Variants in ZNF518B observed in about 807,000 individuals in gnomAD.
The protein encoded by ZNF518B is zinc finger protein 518B.
Under a neutral mutation model 56.3 loss-of-function variants are expected in ZNF518B, and 23 were observed. The observed-to-expected ratio is 0.41, with a 90% CI of 0.29 to 0.58. The LOEUF is 0.58. Among genes scored for constraint, ZNF518B ranks in the 20% least tolerant of loss-of-function variants. ZNF518B has a pLI of 0.32. For synonymous variants in ZNF518B, 529 were observed against 465.9 expected (o/e 1.14, Z -1.74); for missense variants, 1,460 against 1,272.1 (o/e 1.15, Z -2.25).
At position 10,445,057 on chromosome 4, in the gene ZNF518B, T is replaced by G. The variant is rs374255171; in HGVS notation, c.1272A>C (p.Ser424=). ...KLVGIDSFQP[S]VQKQLKNVKW... The stretch of plus-strand genomic sequence containing the variant: ...TCACATTTTTAAGCTGTTTCTGAAC[T>G]GAAGGTTGAAAACTATCAATGCCTA... The change falls in exon 3 of 3, where the codon TCA becomes TCC. Residue 424 remains serine (S), a synonymous_variant. Transcript: ENST00000326756. 2 of 1,614,240 alleles carry G rather than the reference T, an allele frequency of 1.2e-6. No homozygotes were observed.
Position 10,443,935 on chromosome 4 carries a change from G to T in ZNF518B, c.2394C>A (p.Val798=). The part of the protein sequence containing the change: ...HIIEATCEAP[V]SIPCSERQLI... ...ACTGTCTTTCACTGCAAGGTATGCT[G>T]ACAGGTGCTTCACATGTAGCCTCTA... The change falls in exon 3 of 3, where the codon GTC becomes GTA. Residue 798 remains valine, a synonymous_variant. Transcript: ENST00000326756. 1 of 1,614,210 alleles carries T rather than the reference G, an allele frequency of 6.2e-7. No individual in the cohort carries two copies. The highest frequency in any genetic ancestry group is 1.1e-5 in the South Asian group (1 of 91,078).
chr4:10,459,199 T>C (rs1715666733), upstream of ZNF518B, among the ~76,000 whole-genome samples: 1 of 152,178 alleles, frequency 6.6e-6, no homozygotes, highest in African/African-American at 2.4e-5. Flanking sequence ...CAGATAGAAG[T>C]GACTGTTAAC....
Position 10,443,540 on chromosome 4 carries a change from G to A in ZNF518B, c.2789C>T (p.Pro930Leu). 6.2e-7 allele frequency: 1 copy of A among 1,614,092 alleles called. No individual in the cohort carries two copies. The highest frequency in any genetic ancestry group is 2.2e-5 in the East Asian group (1 of 44,884). ...ACGGGGACACTTAATCAACTGATCT[G>A]GCTTAGCTGCTATCAGTCTTAGTTG... Reference protein sequence around the residue: ...ARQLRLIAAKPDQLIKCPRRN... With the variant: ...ARQLRLIAAKLDQLIKCPRRN... The change falls in exon 3 of 3, where the codon CCA (proline) becomes CTA (leucine). Residue 930 changes from proline (P) to leucine (L), a missense_variant. Physicochemically the swap from Pro to Leu is moderately conservative, Grantham distance 98 (BLOSUM62 -3). Transcript: ENST00000326756.
chr4:10,443,053 C>G lies in ZNF518B; in HGVS notation c.*51G>C. 6.6e-7 allele frequency: 1 copy of G among 1,522,556 alleles called. No homozygotes were observed. Among genetic ancestry groups the G allele is most frequent in the South Asian group, 1.3e-5 (1 of 79,370 alleles). 94.3% of individuals were successfully genotyped at this position (1,522,556 alleles called of 1,614,324 possible). On this transcript the variant is annotated 3_prime_UTR_variant, in exon 3 of 3. Coordinates refer to ENST00000326756, the MANE Select transcript of ZNF518B (RefSeq NM_053042.3). ...TCTACTGAATCTTGGTGGAGGGACT[C>G]CAAACCAGAATAAACTAAAAGATAA...
At position 10,440,931 on chromosome 4, in the gene ZNF518B, C is replaced by G. The variant is rs925849303; in HGVS notation, c.*2173G>C. Reference sequence around the variant, plus strand: ...TCTCTATATCTTGGGAGCTATTTTTCATGCCACAGGAGTACAATATATAAC... The same window carrying G: ...TCTCTATATCTTGGGAGCTATTTTTGATGCCACAGGAGTACAATATATAAC... On this transcript the variant is annotated 3_prime_UTR_variant, in exon 3 of 3. Transcript: ENST00000326756. 1 of 152,390 alleles carries G rather than the reference C, an allele frequency of 6.6e-6. No individual in the cohort carries two copies. Among genetic ancestry groups the G allele is most frequent in the Non-Finnish European group, 1.5e-5 (1 of 67,988 alleles). 9.4% of individuals were successfully genotyped at this position (152,390 alleles called of 1,614,324 possible).
In ZNF518B at chr4:10,449,234, A is replaced by G. The variant is rs993968489; in HGVS notation, c.-211-2695T>C. ...CTCAGAATCAGAGCAAAAATGGACA[A>G]TTTCCCAGGCTTCATCTCAAAGCGA... is the stretch of plus-strand genomic sequence containing the variant. On this transcript the variant is annotated intron_variant, in intron 2 of 2. Coordinates refer to ENST00000326756, the MANE Select transcript of ZNF518B (RefSeq NM_053042.3). Among the ~76,000 whole-genome samples the G allele has an allele frequency of 7.9e-5, 12 of 152,274 alleles. No individual in the cohort carries two copies. The East Asian group carries it at 1.7e-3, about 22-fold the overall frequency.
upstream of ZNF518B, among the ~76,000 whole-genome samples, chr4:10,461,326 G>C (rs1211813313): frequency 6.6e-6 from 1 of 152,198 alleles, no homozygotes; most frequent in African/African-American, 2.4e-5. Context: ...CACTCAGCTC[G>C]GCCGCCGCGG....
chr4:10,458,065 CAG>C (rs1249069631), upstream of ZNF518B, among the ~76,000 whole-genome samples: 1 of 152,202 alleles, frequency 6.6e-6, no homozygotes, highest in Admixed American at 6.5e-5. Context: ...CATTTAATGC[CAG>C]AGTTTCTTTC....
upstream of ZNF518B, among the ~76,000 whole-genome samples, chr4:10,460,901 C>T (rs187781645): frequency 4.6e-5 from 7 of 152,346 alleles, no homozygotes; most frequent in East Asian, 1.3e-3. Flanking sequence ...AAACTTTATG[C>T]ATGGACAGGA....
upstream of ZNF518B, among the ~76,000 whole-genome samples, chr4:10,461,290 C>T (rs1460382846): frequency 6.6e-6 from 1 of 152,264 alleles, no homozygotes. Flanking sequence ...GGCGCAGGCC[C>T]ACTCTCTTGG....
At chr4:10,456,339 A>T (rs1408899844) in intron 1 of ZNF518B, among the ~76,000 whole-genome samples, 1 of 152,176 alleles carries the variant, frequency 6.6e-6, no homozygotes, top group Non-Finnish European at 1.5e-5. Flanking sequence ...CTTTCTGGTT[A>T]AGAAACTTTC....
upstream of ZNF518B, among the ~76,000 whole-genome samples, chr4:10,459,815 G>T (rs1715686542): frequency 6.6e-6 from 1 of 152,090 alleles, no homozygotes; most frequent in South Asian, 2.1e-4. Flanking sequence ...TGGCCCTGTG[G>T]ACCCCTTGAT....
Position 10,442,174 on chromosome 4 carries a change from G to A in ZNF518B, c.*930C>T, listed in dbSNP as rs1714711301. Reference sequence around the variant, plus strand: ...CATGGTCTTTGGATGAATCCCAAATGAAAACTAAAGGGCATATGAAACCCT... The same window carrying A: ...CATGGTCTTTGGATGAATCCCAAATAAAAACTAAAGGGCATATGAAACCCT... On this transcript the variant is annotated 3_prime_UTR_variant, in exon 3 of 3. Transcript: ENST00000326756. The A allele has an allele frequency of 6.6e-6, 1 of 152,158 alleles. No individual in the cohort carries two copies. The highest frequency in any genetic ancestry group is 2.4e-5 in the African/African-American group (1 of 41,432). The allele number at this position is 152,158 out of a possible 1,614,324, so 9.4% of individuals were successfully genotyped here.
chr4:10,457,319 G>C lies in ZNF518B; in HGVS notation c.-398C>G, dbSNP rs1368266100. 1 of 151,886 alleles carries C rather than the reference G, an allele frequency of 6.6e-6. No homozygotes were observed. Among genetic ancestry groups the C allele is most frequent in the Non-Finnish European group, 1.5e-5 (1 of 67,988 alleles). The allele number at this position is 151,886 out of a possible 1,614,324, so 9.4% of individuals were successfully genotyped here. A position where few individuals can be genotyped will look rare whatever the true frequency, so the allele number is the denominator to read the frequency against. Reference sequence around the variant, plus strand: ...CGCCCTCCCGCTCAGCTACTTACCCGGCAGGCCGGATTCGGGTGCCAGGTC... The same window carrying C: ...CGCCCTCCCGCTCAGCTACTTACCCCGCAGGCCGGATTCGGGTGCCAGGTC... On this transcript the variant is annotated splice_region_variant and 5_prime_UTR_variant, in exon 1 of 3. Transcript: ENST00000326756.
upstream of ZNF518B, among the ~76,000 whole-genome samples, chr4:10,460,312 A>AAAAAAAAAG (rs1715702056): frequency 1.1e-5 from 1 of 95,186 alleles, no homozygotes; most frequent in Non-Finnish European, 1.8e-5. Context: ...CTCAAAAAAA[A>AAAAAAAAAG]AAAAAAAAAA....
Position 10,443,456 on chromosome 4 carries a change from T to C in ZNF518B, c.2873A>G (p.Asn958Ser), listed in dbSNP as rs779494730. Residue 958 changes from asparagine to serine, a missense_variant, in exon 3 of 3, where the codon AAT becomes AGT. Transcript: ENST00000326756. ...GTATTTATTTATTACCTTCATCACA[T>C]TGGTCACTTCTGGCGAGTCCACATC... ...HPDVDSPEVT[N>S]VMKVINKYKG... The C allele has an allele frequency of 9.3e-6, 15 of 1,614,072 alleles. No individual in the cohort carries two copies. Among genetic ancestry groups the C allele is most frequent in the East Asian group, 2.2e-5 (1 of 44,898 alleles).
upstream of ZNF518B, among the ~76,000 whole-genome samples, chr4:10,460,421 C>T (rs576178489): frequency 2.5e-3 from 384 of 151,792 alleles, 2 homozygotes; most frequent in Middle Eastern, 6.8e-3. Context: ...AAGGCTCAGC[C>T]CTCAGGGAAC....
rs771071531 is a variant in ZNF518B, at chr4:10,444,401, G to A, written c.1928C>T (p.Ser643Phe). 2.5e-6 allele frequency: 4 copies of A among 1,614,056 alleles called. No homozygotes were observed. In the Admixed American group the frequency reaches 5.0e-5, roughly 20 times the overall value. The change falls in exon 3 of 3, where the codon TCT (serine) becomes TTT (phenylalanine). Residue 643 changes from serine (S) to phenylalanine (F), a missense_variant. By Grantham distance (155) the Ser-to-Phe change is radical. Coordinates refer to ENST00000326756, the MANE Select transcript of ZNF518B (RefSeq NM_053042.3). ...ISSVFSLSSG[S>F]ENVPEGIKWN... Reference sequence around the variant, plus strand: ...CTTAATGCCCTCGGGGACATTTTCAGATCCAGAGCTCAGAGAAAATACTGA... The same window carrying A: ...CTTAATGCCCTCGGGGACATTTTCAAATCCAGAGCTCAGAGAAAATACTGA...
Position 10,446,369 on chromosome 4 carries a change from A to C in ZNF518B, c.-41T>G. On this transcript the variant is annotated 5_prime_UTR_variant, in exon 3 of 3. Coordinates refer to ENST00000326756, the MANE Select transcript of ZNF518B (RefSeq NM_053042.3). ...AAAAAGAGCCAACTAAAATTCAGAA[A>C]GTTTTCACATGATAAAATCCTTAGG... 2 of 1,567,980 alleles carry C rather than the reference A, an allele frequency of 1.3e-6. No individual in the cohort carries two copies. Among genetic ancestry groups the C allele is most frequent in the Non-Finnish European group, 1.7e-6 (2 of 1,147,458 alleles).
Sources: gnomAD v4.1 joint callset for allele counts (sites outside exome capture counted in the v4.1 genomes callset) on GRCh38, gnomAD v4.1.1 for gene constraint, MANE v1.5 for transcripts, NCBI Gene and HGNC (gene_info 2026-07-23, HGNC 2026-07-21) for gene names.